The following MYPN variants were observed in gnomAD, a reference collection of about 807,000 sequenced individuals.
The protein encoded by MYPN is myopalladin.
Under a neutral mutation model 129.4 loss-of-function variants are expected in MYPN, and 63 were observed. That is an observed-to-expected ratio of 0.49 (90% CI 0.40 to 0.60). MYPN has a LOEUF of 0.60. MYPN is among the 20% of genes least tolerant of loss of function. The pLI is 0.00. For missense variants in MYPN, 1,596 were observed against 1,635.4 expected, an observed-to-expected ratio of 0.98 and a Z score of 0.42; for synonymous variants, 629 against 600.9, an observed-to-expected ratio of 1.05 and a Z score of -0.68.
intron 12 of MYPN, among the ~76,000 whole-genome samples, chr10:68,182,019 T>A (rs1345209638): frequency 6.6e-6 from 1 of 151,944 alleles, no homozygotes; most frequent in Non-Finnish European, 1.5e-5. Flanking sequence ...TCCTGACTCT[T>A]GAGTCTGTGA....
At chr10:68,158,721 A>T (rs964718938) in intron 7 of MYPN, 94 bp downstream of exon 7, 4 of 926,948 alleles carry the variant, frequency 4.3e-6, no homozygotes, top group Non-Finnish European at 6.5e-6. Context: ...CTAATTAAAA[A>T]TATAGTCAAA....
chr10:68,136,836 T>A, intron 2 of MYPN: 1 of 1,247,084 alleles, frequency 8.0e-7, no homozygotes, highest in Non-Finnish European at 1.1e-6. Flanking sequence ...TTTATCAAGT[T>A]AATAGAGTTA....
At chr10:68,160,706 C>G (rs1302187566) in intron 7 of MYPN, among the ~76,000 whole-genome samples, 1 of 151,976 alleles carries the variant, frequency 6.6e-6, no homozygotes. Context: ...CACGTGAGGC[C>G]AGAAGTTTGA....
intron 13 of MYPN, among the ~76,000 whole-genome samples, chr10:68,193,254 A>G (rs1006235441): frequency 2.0e-5 from 3 of 152,138 alleles, no homozygotes; most frequent in Non-Finnish European, 2.9e-5. Flanking sequence ...AGCAAAGCCC[A>G]GATAATTTCA....
chr10:68,096,468 A>G (rs920635787), intron 1 of MYPN, among the ~76,000 whole-genome samples: 3 of 152,204 alleles, frequency 2.0e-5, no homozygotes, highest in African/African-American at 7.2e-5. Flanking sequence ...AGACTGAGGC[A>G]GGAGAATCAC....
chr10:68,205,542 G>A (rs1407182801), intron 18 of MYPN, among the ~76,000 whole-genome samples: 2 of 150,934 alleles, frequency 1.3e-5, no homozygotes, highest in African/African-American at 2.4e-5. Context: ...GAAAAATTAG[G>A]CAGGCATGGT....
Position 68,158,637 on chromosome 10 carries a change from T to C in MYPN, c.1459+10T>C. On this transcript the variant is annotated intron_variant, in intron 7 of 19. Coordinates refer to ENST00000358913, the MANE Select transcript of MYPN (RefSeq NM_032578.4). Reference sequence around the variant, plus strand: ...AGGATTTTACAGAAAAGTAAGTTAATACTTTAAATTATTTTCTGATATTTT... The same window carrying C: ...AGGATTTTACAGAAAAGTAAGTTAACACTTTAAATTATTTTCTGATATTTT... 6.5e-7 allele frequency: 1 copy of C among 1,535,820 alleles called. No homozygotes were observed. The highest frequency in any genetic ancestry group is 9.0e-7 in the Non-Finnish European group (1 of 1,112,694).
intron 2 of MYPN, among the ~76,000 whole-genome samples, chr10:68,138,014 A>G (rs890508558): frequency 2.0e-5 from 3 of 152,306 alleles, no homozygotes; most frequent in Middle Eastern, 3.4e-3. Flanking sequence ...TTAAGAACAC[A>G]TGGACTCAAG....
intron 1 of MYPN, among the ~76,000 whole-genome samples, chr10:68,116,172 A>T (rs1232038174): frequency 6.6e-6 from 1 of 152,228 alleles, no homozygotes; most frequent in Admixed American, 6.5e-5. Flanking sequence ...TATTGGATGA[A>T]TAAATGAATT....
intron 13 of MYPN, among the ~76,000 whole-genome samples, chr10:68,193,717 C>A (rs188031960): frequency 6.7e-6 from 1 of 149,062 alleles, no homozygotes; most frequent in Non-Finnish European, 1.5e-5. Context: ...CTGTAACCAG[C>A]ACTTTATCTC....
At chr10:68,168,415 GA>G (rs1203505173) in intron 10 of MYPN, among the ~76,000 whole-genome samples, 1 of 151,848 alleles carries the variant, frequency 6.6e-6, no homozygotes, top group African/African-American at 2.4e-5. Context: ...TATGATGATG[GA>G]AAAAAAATTC....
At chr10:68,105,311 TATTAAATAA>T (rs2042003759), upstream of MYPN, among the ~76,000 whole-genome samples, 1 of 152,218 alleles carries the variant, frequency 6.6e-6, no homozygotes, top group Non-Finnish European at 1.5e-5. Context: ...TAAAGGAATC[TATTAAATAA>T]AACACACACA....
At position 68,175,340 on chromosome 10, in the gene MYPN, C is replaced by G; in HGVS notation, c.2582C>G (p.Ala861Gly). Residue 861 changes from alanine to glycine, a missense_variant, in exon 12 of 20, where the codon GCG (alanine) becomes GGG (glycine). Transcript: ENST00000358913. Reference sequence around the variant, plus strand: ...TCTTACAGGCCATCCCAGGGATTAGCGAAGAAAAATACAAAGTCTCCTCAA... The same window carrying G: ...TCTTACAGGCCATCCCAGGGATTAGGGAAGAAAAATACAAAGTCTCCTCAA... ...SAPSMPSQGL[A>G]KKNTKSPQPV... 6.2e-7 allele frequency: 1 copy of G among 1,613,642 alleles called. No homozygotes were observed. The highest frequency in any genetic ancestry group is 8.5e-7 in the Non-Finnish European group (1 of 1,179,894).
At chr10:68,140,681 G>C (rs2042562711) in intron 2 of MYPN, among the ~76,000 whole-genome samples, 1 of 152,172 alleles carries the variant, frequency 6.6e-6, no homozygotes, top group Non-Finnish European at 1.5e-5. Flanking sequence ...GCAGAGACTT[G>C]AATGTGTGGA....
chr10:68,169,340 A>G (rs2043109067), intron 10 of MYPN, among the ~76,000 whole-genome samples: 1 of 149,052 alleles, frequency 6.7e-6, no homozygotes, highest in African/African-American at 2.5e-5. Flanking sequence ...CCTGGGCAAC[A>G]GAGTGAGACT....
chr10:68,141,088 G>A (rs964271402), intron 2 of MYPN, among the ~76,000 whole-genome samples: 2 of 151,226 alleles, frequency 1.3e-5, no homozygotes, highest in African/African-American at 4.9e-5. Flanking sequence ...CCCAAAAAAA[G>A]GGCCAGGCGC....
At chr10:68,158,746 C>T (rs1440562801) in intron 7 of MYPN, 119 bp downstream of exon 7, 2 of 743,566 alleles carry the variant, frequency 2.7e-6, no homozygotes, top group African/African-American at 1.8e-5. Flanking sequence ...ATAAAAAACA[C>T]CTGTAATCAT....
chr10:68,099,235 A>C (rs2041971210), intron 1 of MYPN, among the ~76,000 whole-genome samples: 1 of 152,120 alleles, frequency 6.6e-6, no homozygotes, highest in African/African-American at 2.4e-5. Flanking sequence ...TCAACTTGAA[A>C]ATCTGAGTTT....
At chr10:68,109,453 A>C (rs1359579640), upstream of MYPN, 2 of 451,746 alleles carry the variant, frequency 4.4e-6, no homozygotes, top group Non-Finnish European at 8.9e-6. Flanking sequence ...TCACAGGCAC[A>C]TGGTTTATAC....
Sources: allele counts gnomAD v4.1 joint callset (sites outside exome capture counted in the v4.1 genomes callset), GRCh38; gene constraint gnomAD v4.1.1; transcripts MANE v1.5; gene names NCBI Gene and HGNC (gene_info 2026-07-23, HGNC 2026-07-21).